SNTG1: variants seen among roughly 807,000 people sequenced by gnomAD.
SNTG1 encodes the protein syntrophin gamma 1.
Under a neutral mutation model 74.7 loss-of-function variants are expected in SNTG1, and 39 were observed. The observed-to-expected ratio is 0.52, with a 90% CI of 0.40 to 0.68. The LOEUF is 0.68. Ranked by LOEUF, SNTG1 falls within the 30% of genes least tolerant of loss-of-function variation. SNTG1 has a pLI of 0.00. For synonymous variants in SNTG1, 254 were observed against 217.1 expected (o/e 1.17, Z -1.49); for missense variants, 685 against 609.5 (o/e 1.12, Z -1.30).
intron 1 of SNTG1, among the ~76,000 whole-genome samples, chr8:49,938,611 C>CTTTTTTTTCT (rs71928710): frequency 1.0e-3 from 13 of 12,568 alleles, no homozygotes; most frequent in Non-Finnish European, 2.8e-3. Flanking sequence ...TCTTTTCTTT[C>CTTTTTTTTCT]TTTCTTTCTT....
At chr8:50,439,416 T>C (rs2093337125) in intron 5 of SNTG1, among the ~76,000 whole-genome samples, 1 of 152,054 alleles carries the variant, frequency 6.6e-6, no homozygotes, top group Admixed American at 6.6e-5. Context: ...ACACAACTCA[T>C]GTCATATATT....
At chr8:50,257,994 C>T (rs1456486828) in intron 2 of SNTG1, among the ~76,000 whole-genome samples, 1 of 152,186 alleles carries the variant, frequency 6.6e-6, no homozygotes, top group East Asian at 1.9e-4. Context: ...TCTGGAAAAG[C>T]CACATCCATT....
intron 1 of SNTG1, among the ~76,000 whole-genome samples, chr8:50,048,036 A>G (rs1819249712): frequency 6.6e-6 from 1 of 152,208 alleles, no homozygotes; most frequent in African/African-American, 2.4e-5. Flanking sequence ...TGGCACAAAT[A>G]AAACAATTAA....
intron 1 of SNTG1, among the ~76,000 whole-genome samples, chr8:50,043,337 A>T (rs1818802767): frequency 6.6e-6 from 1 of 152,222 alleles, no homozygotes; most frequent in South Asian, 2.1e-4. Context: ...TATTTCTTGC[A>T]TAGCAGGAAA....
intron 1 of SNTG1, among the ~76,000 whole-genome samples, chr8:50,147,800 G>A (rs1351416825): frequency 6.6e-6 from 1 of 152,144 alleles, no homozygotes; most frequent in Non-Finnish European, 1.5e-5. Context: ...ACATGCATGG[G>A]ATCTAGAAGC....
chr8:49,994,686 TTTGACTATA>T, intron 1 of SNTG1, among the ~76,000 whole-genome samples: 1 of 151,620 alleles, frequency 6.6e-6, no homozygotes, highest in Non-Finnish European at 1.5e-5. Flanking sequence ...ATCTCCTCAC[TTTGACTATA>T]GCTACTCATT....
intron 1 of SNTG1, among the ~76,000 whole-genome samples, chr8:49,947,089 C>CA (rs1485380105): frequency 6.6e-6 from 1 of 152,076 alleles, no homozygotes; most frequent in Non-Finnish European, 1.5e-5. Context: ...CACTTGAGGC[C>CA]AAGAGTTTGA....
chr8:50,604,238 T>C (rs187253505), intron 13 of SNTG1, among the ~76,000 whole-genome samples: 1 of 151,986 alleles, frequency 6.6e-6, no homozygotes, highest in African/African-American at 2.4e-5. Flanking sequence ...GGGCACTTGA[T>C]GAAACTCATC....
At chr8:50,775,854 A>G (rs764660850) in intron 18 of SNTG1, among the ~76,000 whole-genome samples, 36 of 151,546 alleles carry the variant, frequency 2.4e-4, no homozygotes, top group Non-Finnish European at 3.1e-4. Context: ...TGCTTGTATT[A>G]TTAATTAATC....
In SNTG1 at chr8:50,536,744, C is replaced by T. The variant is rs760897384; in HGVS notation, c.616C>T (p.Leu206Phe). Residue 206 changes from leucine to phenylalanine, a missense_variant, in exon 11 of 19, where the codon CTC becomes TTC. Transcript: ENST00000642720. ...GAGGTGGGAGAAGCGATGGTGCGACCTCAGACTGATCCCTCTACTTCATTC... is the reference window on the plus strand; with the variant it reads ...GAGGTGGGAGAAGCGATGGTGCGACTTCAGACTGATCCCTCTACTTCATTC... ...GLRWEKRWCDLRLIPLLHSRF... is the reference protein window; with the variant it reads ...GLRWEKRWCDFRLIPLLHSRF... 1.9e-6 allele frequency: 3 copies of T among 1,614,060 alleles called. No homozygotes were observed. The highest frequency in any genetic ancestry group is 1.1e-5 in the South Asian group (1 of 91,086).
intron 1 of SNTG1, among the ~76,000 whole-genome samples, chr8:49,917,187 T>C (rs752745704): frequency 2.6e-4 from 40 of 152,122 alleles, no homozygotes; most frequent in Non-Finnish European, 5.0e-4. Context: ...TTGTCATCAA[T>C]TGGTTGTGTG....
chr8:50,427,629 G>A (rs566381350), intron 4 of SNTG1, among the ~76,000 whole-genome samples: 1 of 152,214 alleles, frequency 6.6e-6, no homozygotes, highest in South Asian at 2.1e-4. Context: ...GTCTCACAAT[G>A]TTGCTTAGCC....
chr8:50,245,418 C>T (rs1338437822), intron 2 of SNTG1, among the ~76,000 whole-genome samples: 9 of 152,044 alleles, frequency 5.9e-5, no homozygotes, highest in Non-Finnish European at 1.3e-4. Flanking sequence ...TGTGGTGGCT[C>T]ACACCTGTAA....
At chr8:50,429,196 GA>G (rs1263216066) in intron 4 of SNTG1, among the ~76,000 whole-genome samples, 2 of 151,740 alleles carry the variant, frequency 1.3e-5, no homozygotes, top group South Asian at 2.1e-4. Context: ...AAACAATCTT[GA>G]AAAAAACAAA....
chr8:50,116,560 G>A (rs1027153356), intron 1 of SNTG1, among the ~76,000 whole-genome samples: 4 of 152,098 alleles, frequency 2.6e-5, no homozygotes, highest in Non-Finnish European at 4.4e-5. Flanking sequence ...TACCTAATTC[G>A]TATTCGTTCA....
chr8:50,631,487 C>T (rs2094997002), intron 13 of SNTG1, among the ~76,000 whole-genome samples: 1 of 152,124 alleles, frequency 6.6e-6, no homozygotes, highest in African/African-American at 2.4e-5. Flanking sequence ...TAGTTTTTAA[C>T]ACTTGATTGA....
chr8:50,168,915 A>C (rs979094328), intron 1 of SNTG1, among the ~76,000 whole-genome samples: 1 of 152,212 alleles, frequency 6.6e-6, no homozygotes, highest in African/African-American at 2.4e-5. Context: ...ACCTTGGTAC[A>C]ACCCACAGAG....
At chr8:50,702,161 T>G (rs2095428510) in intron 15 of SNTG1, among the ~76,000 whole-genome samples, 1 of 152,140 alleles carries the variant, frequency 6.6e-6, no homozygotes, top group South Asian at 2.1e-4. Context: ...CTCTTATTTT[T>G]TTTATAATGG....
intron 1 of SNTG1, among the ~76,000 whole-genome samples, chr8:50,031,785 T>C (rs1483178346): frequency 1.3e-5 from 2 of 152,124 alleles, no homozygotes; most frequent in African/African-American, 2.4e-5. Context: ...GTCCGAAGTT[T>C]GTATGTACTT....
Sources: allele counts gnomAD v4.1 joint callset (sites outside exome capture counted in the v4.1 genomes callset), GRCh38; gene constraint gnomAD v4.1.1; transcripts MANE v1.5; gene names NCBI Gene and HGNC (gene_info 2026-07-23, HGNC 2026-07-21).